CNKSR3: variants seen among roughly 807,000 people sequenced by gnomAD.
CNKSR3 encodes the protein CNKSR family member 3, also known as connector enhancer of kinase suppressor of ras 3.
CNKSR3 carries 36 observed loss-of-function variants against 67.7 expected under a neutral mutation model. The observed-to-expected ratio is 0.53, with a 90% CI of 0.41 to 0.70. CNKSR3 has a LOEUF of 0.70. CNKSR3 is among the 30% of genes least tolerant of loss of function. The pLI, the probability that CNKSR3 is intolerant of heterozygous loss-of-function variation, is 0.00. For missense variants in CNKSR3, 630 were observed against 695.2 expected, an observed-to-expected ratio of 0.91 and a Z score of 1.05; for synonymous variants, 281 against 271.4, an observed-to-expected ratio of 1.04 and a Z score of -0.35.
intron 1 of CNKSR3, among the ~76,000 whole-genome samples, chr6:154,487,758 C>T (rs945359105): frequency 1.3e-5 from 2 of 152,202 alleles, no homozygotes; most frequent in African/African-American, 4.8e-5. Context: ...GCGCTGAAGC[C>T]AGAGCCATGG....
rs149479895 is a variant in CNKSR3 at position 154,498,114 on chromosome 6, T to G, written c.52+11949A>C. ...GAATACATCAGGGCATGAGTGTTTC[T>G]GGCTAAATAATACCTGCATGGAATT... On this transcript the variant is annotated intron_variant, in intron 1 of 12. Transcript: ENST00000607772. Among the ~76,000 whole-genome samples, 3 of 152,344 alleles carry G rather than the reference T, an allele frequency of 2.0e-5. No homozygotes were observed. In the East Asian group the frequency reaches 5.8e-4, roughly 29 times the overall value.
intron 4 of CNKSR3, among the ~76,000 whole-genome samples, chr6:154,439,020 T>A (rs562811379): frequency 2.0e-5 from 3 of 152,268 alleles, no homozygotes; most frequent in African/African-American, 7.2e-5. Flanking sequence ...GCACTTGAGA[T>A]GATGCATAAG....
At chr6:154,458,097 A>C (rs1208598975) in intron 1 of CNKSR3, among the ~76,000 whole-genome samples, 1 of 152,186 alleles carries the variant, frequency 6.6e-6, no homozygotes, top group African/African-American at 2.4e-5. Context: ...TTTGTACTAC[A>C]ATGGCAGAGT....
At chr6:154,471,802 C>T (rs1398774170) in intron 1 of CNKSR3, among the ~76,000 whole-genome samples, 1 of 152,126 alleles carries the variant, frequency 6.6e-6, no homozygotes, top group East Asian at 1.9e-4. Context: ...AGGCACCTCA[C>T]TTTGAGAGAC....
chr6:154,412,025 T>C (rs1784922975), intron 10 of CNKSR3, among the ~76,000 whole-genome samples: 1 of 152,218 alleles, frequency 6.6e-6, no homozygotes, highest in African/African-American at 2.4e-5. Flanking sequence ...TAGGATTAAT[T>C]TGAGTCCAAG....
rs1784736847 is a variant in CNKSR3 at position 154,403,384 on chromosome 6, G to A, written c.*2970C>T. ...GATTGTACCACTGCACTCTAGCCTG[G>A]GTGACAGAGTGAGAATCTGTCTCAG... is the stretch of plus-strand genomic sequence containing the variant. On this transcript the variant is annotated 3_prime_UTR_variant, in exon 13 of 13. Transcript: ENST00000607772. 6.6e-6 allele frequency: 1 copy of A among 151,316 alleles called. No homozygotes were observed. Among genetic ancestry groups the A allele is most frequent in the African/African-American group, 2.4e-5 (1 of 41,056 alleles). The allele number at this position is 151,316 out of a possible 1,614,324, so 9.4% of individuals were successfully genotyped here. A position where few individuals can be genotyped will look rare whatever the true frequency, so the allele number is the denominator to read the frequency against.
Position 154,396,723 on chromosome 6 carries a change from T to A in CNKSR3, c.*9631A>T, listed in dbSNP as rs1228480331. On this transcript the variant is annotated 3_prime_UTR_variant, in exon 13 of 13. Transcript: ENST00000607772. ...TAGACCGAGAAGGATGAGTCCATTA[T>A]CAGGATTTAAGAATCCAGAACTAAG... The A allele has an allele frequency of 1.3e-5, 2 of 152,240 alleles. No homozygotes were observed. The highest frequency in any genetic ancestry group is 3.9e-4 in the East Asian group (2 of 5,180). The allele number at this position is 152,240 out of a possible 1,614,324, so 9.4% of individuals were successfully genotyped here. A position where few individuals can be genotyped will look rare whatever the true frequency, so the allele number is the denominator to read the frequency against.
At position 154,393,957 on chromosome 6, in the gene CNKSR3, C is replaced by T. The variant is rs1375007578; in HGVS notation, c.*12397G>A. The stretch of plus-strand genomic sequence containing the variant: ...TCCAACTTAAGAAACATGTCAGAGA[C>T]CACTCATCCTGACCAATATCACTCT... On this transcript the variant is annotated 3_prime_UTR_variant, in exon 13 of 13. Transcript: ENST00000607772. 1.3e-5 allele frequency: 2 copies of T among 152,146 alleles called. No homozygotes were observed. The highest frequency in any genetic ancestry group is 2.9e-5 in the Non-Finnish European group (2 of 68,038). 9.4% of individuals were successfully genotyped at this position (152,146 alleles called of 1,614,324 possible).
At chr6:154,451,522 C>T (rs1474607379) in intron 1 of CNKSR3, among the ~76,000 whole-genome samples, 1 of 100,100 alleles carries the variant, frequency 1.0e-5, no homozygotes, top group East Asian at 3.8e-4. Flanking sequence ...CGCGCACACT[C>T]GTGCACACAC....
intron 1 of CNKSR3, among the ~76,000 whole-genome samples, chr6:154,474,624 C>A (rs1020123461): frequency 6.6e-6 from 1 of 152,106 alleles, no homozygotes; most frequent in Non-Finnish European, 1.5e-5. Flanking sequence ...GTCAGAGATG[C>A]CCTTGGGAAG....
intron 12 of CNKSR3, 110 bp from the exon 13 acceptor site, chr6:154,406,762 G>A (rs1181581955): frequency 3.4e-6 from 3 of 886,050 alleles, no homozygotes; most frequent in Non-Finnish European, 5.2e-6. Flanking sequence ...GAGGTCAAGA[G>A]ATCTAGACCA....
intron 1 of CNKSR3, among the ~76,000 whole-genome samples, chr6:154,469,722 A>G (rs901837888): frequency 2.6e-5 from 4 of 152,194 alleles, no homozygotes; most frequent in African/African-American, 4.8e-5. Flanking sequence ...GTTATGCAAC[A>G]ATCACCACTA....
chr6:154,464,639 C>T (rs540187443), intron 1 of CNKSR3, among the ~76,000 whole-genome samples: 2 of 151,170 alleles, frequency 1.3e-5, no homozygotes, highest in Non-Finnish European at 3.0e-5. Flanking sequence ...TCGCTTGAAC[C>T]CGAGAGGTGG....
intron 1 of CNKSR3, among the ~76,000 whole-genome samples, chr6:154,472,486 C>T (rs569082553): frequency 6.6e-6 from 1 of 152,314 alleles, no homozygotes; most frequent in South Asian, 2.1e-4. Context: ...TTCCCTGGCC[C>T]TCAACTCTAA....
rs535745669 is a variant in CNKSR3 at position 154,446,426 on chromosome 6, A to G, written c.216+3669T>C. Among the ~76,000 whole-genome samples the G allele has an allele frequency of 3.9e-5, 6 of 152,244 alleles. No individual in the cohort carries two copies. The South Asian group carries it at 8.3e-4, about 21-fold the overall frequency. On this transcript the variant is annotated intron_variant, in intron 2 of 12. Transcript: ENST00000607772. ...GACAACCTAAGAAATATAGTTCACAATTTTCCTAAGGCATTTTTAAATAAG... is the reference window on the plus strand; with the variant it reads ...GACAACCTAAGAAATATAGTTCACAGTTTTCCTAAGGCATTTTTAAATAAG...
rs1376172693 is a variant in CNKSR3, at chr6:154,414,361, C to T, written c.1008G>A (p.Lys336=). ...AAAGATCCAGGATGGCTGACTTCTC[C>T]TTCTTCAGTGAGGTATCCATAGTGC... ...PESTMDTSLK[K]EKSAILDLYI... Residue 336 remains lysine (K), a synonymous_variant, in exon 10 of 13, where the codon AAG becomes AAA. Transcript: ENST00000607772. 6.2e-7 allele frequency: 1 copy of T among 1,612,118 alleles called. No individual in the cohort carries two copies. Among genetic ancestry groups the T allele is most frequent in the South Asian group, 1.1e-5 (1 of 90,638 alleles).
chr6:154,448,053 G>A (rs1042201517), intron 2 of CNKSR3, among the ~76,000 whole-genome samples: 2 of 152,100 alleles, frequency 1.3e-5, no homozygotes, highest in African/African-American at 2.4e-5. Context: ...CTGGCACAGA[G>A]CAGGTCCAGA....
chr6:154,454,954 A>G (rs1026817582), intron 1 of CNKSR3, among the ~76,000 whole-genome samples: 11 of 152,148 alleles, frequency 7.2e-5, no homozygotes, highest in African/African-American at 2.7e-4. Flanking sequence ...AGAGCCTGCA[A>G]TCATCATTGG....
intron 7 of CNKSR3, among the ~76,000 whole-genome samples, chr6:154,423,669 G>A (rs959032912): frequency 6.6e-6 from 1 of 152,168 alleles, no homozygotes; most frequent in African/African-American, 2.4e-5. Context: ...ACTGTTCAAC[G>A]TGGAAAATCA....
Sources: allele counts gnomAD v4.1 joint callset (sites outside exome capture counted in the v4.1 genomes callset), GRCh38; gene constraint gnomAD v4.1.1; transcripts MANE v1.5; gene names NCBI Gene and HGNC (gene_info 2026-07-23, HGNC 2026-07-21).